Variants in COQ7 observed in about 807,000 individuals in gnomAD.
COQ7 encodes coenzyme Q7, hydroxylase, also known as NADPH-dependent 3-demethoxyubiquinone 3-hydroxylase, mitochondrial.
A neutral mutation model predicts 25.0 loss-of-function variants in COQ7; 21 were observed. The observed-to-expected ratio is 0.84, with a 90% confidence interval of 0.60 to 1.21. The LOEUF (loss-of-function observed/expected upper bound fraction) is 1.21. Among genes scored for constraint, COQ7 ranks in the 50% most tolerant of loss-of-function variants. COQ7 has a pLI of 0.00. For synonymous variants in COQ7, 125 were observed against 112.4 expected (o/e 1.11, Z -0.71); for missense variants, 311 against 296.2 (o/e 1.05, Z -0.37).
rs1555521495 is a variant in COQ7 at position 19,067,647 on chromosome 16, C to CG, written c.-18_-17insG. On this transcript the variant is annotated 5_prime_UTR_variant, in exon 1 of 6. Transcript: ENST00000321998. ...CCAGTTCCGTTCAACGAAGTGGTTGCTTTTTTTAGTTCCGGCAATGAGTTG... is the reference window on the plus strand; with the variant it reads ...CCAGTTCCGTTCAACGAAGTGGTTGCGTTTTTTTAGTTCCGGCAATGAGTTG... The CG allele has an allele frequency of 1.2e-6, 2 of 1,613,570 alleles. No individual in the cohort carries two copies. Among genetic ancestry groups the CG allele is most frequent in the East Asian group, 4.5e-5 (2 of 44,846 alleles).
Position 19,077,352 on chromosome 16 carries a change from G to T in COQ7, c.554G>T (p.Gly185Val). ...GAAGAGCTTGAGCACCATGACATAG[G>T]CCTCGACCATGATGCAGAATTGGTA... ...RDEELEHHDI[G>V]LDHDAELAPA... Residue 185 changes from glycine (G) to valine (V), a missense_variant, in exon 5 of 6, where the codon GGC becomes GTC. Physicochemically the swap from Gly to Val is moderately radical, Grantham distance 109. Coordinates refer to ENST00000321998, the MANE Select transcript of COQ7 (RefSeq NM_016138.5). The T allele has an allele frequency of 5.6e-6, 9 of 1,614,068 alleles. No individual in the cohort carries two copies. Among genetic ancestry groups the T allele is most frequent in the Non-Finnish European group, 7.6e-6 (9 of 1,180,024 alleles).
chr16:19,070,494 A>C (rs1167691972), intron 1 of COQ7, among the ~76,000 whole-genome samples: 3 of 152,174 alleles, frequency 2.0e-5, no homozygotes, highest in Admixed American at 6.5e-5. Context: ...GCACTTTGGG[A>C]AGCCAAGGTG....
chr16:19,076,814 ACTCCTGAC>A (rs2142392771), intron 4 of COQ7, among the ~76,000 whole-genome samples: 1 of 146,252 alleles, frequency 6.8e-6, no homozygotes, highest in South Asian at 2.2e-4. Context: ...CTGGTCTGGA[ACTCCTGAC>A]CTCAGGTGAT....
rs201800620 is a variant in COQ7, at chr16:19,075,740, C to G, written c.387C>G (p.Leu129=). Residue 129 remains leucine, a synonymous_variant, in exon 4 of 6, where the codon CTC becomes CTG. Coordinates refer to ENST00000321998, the MANE Select transcript of COQ7 (RefSeq NM_016138.5). ...GFALGAGTAL[L]GKEGAMACTV... The stretch of plus-strand genomic sequence containing the variant: ...TCCCAGGGGCGGGGACCGCCTTGCT[C>G]GGGAAGGAAGGTGCCATGGCCTGCA... 6.3e-7 allele frequency: 1 copy of G among 1,588,452 alleles called. No individual in the cohort carries two copies. Among genetic ancestry groups the G allele is most frequent in the Non-Finnish European group, 8.6e-7 (1 of 1,168,628 alleles).
chr16:19,067,820 A>G (rs1962306125), intron 1 of COQ7, 83 bp downstream of exon 1: 1 of 1,544,154 alleles, frequency 6.5e-7, no homozygotes, highest in African/African-American at 1.5e-5. Context: ...CGAAGAGGTC[A>G]CGGGGGAGAG....
intron 5 of COQ7, 103 bp downstream of exon 5, chr16:19,077,477 C>T (rs374393893): frequency 2.3e-5 from 21 of 918,504 alleles, no homozygotes; most frequent in Admixed American, 1.5e-4. Context: ...AAAGTGACAG[C>T]GAAAGGGAGA....
rs1054842217 is a variant in COQ7 at position 19,077,444 on chromosome 16, C to T, written c.576+70C>T. On this transcript the variant is annotated intron_variant, in intron 5 of 5. Transcript: ENST00000321998. Reference sequence around the variant, plus strand: ...GGGAGGCTGAAGGGGCAGGAGGTTTCTGTTGCCAGAAAAATACATTTTAAA... The same window carrying T: ...GGGAGGCTGAAGGGGCAGGAGGTTTTTGTTGCCAGAAAAATACATTTTAAA... The T allele has an allele frequency of 4.2e-5, 55 of 1,299,186 alleles. No individual in the cohort carries two copies. In the East Asian group the frequency reaches 1.3e-3, roughly 30 times the overall value. 80.5% of individuals were successfully genotyped at this position (1,299,186 alleles called of 1,614,324 possible).
At chr16:19,081,822 A>C (rs1963104340), downstream of COQ7, among the ~76,000 whole-genome samples, 1 of 152,234 alleles carries the variant, frequency 6.6e-6, no homozygotes, top group Non-Finnish European at 1.5e-5. Flanking sequence ...GTTGTTTTTA[A>C]GTTTTTGTCT....
chr16:19,074,163 G>A (rs748629112), intron 3 of COQ7, 128 bp downstream of exon 3: 9 of 612,520 alleles, frequency 1.5e-5, no homozygotes, highest in Middle Eastern at 3.0e-4. Flanking sequence ...ATATTTTTCC[G>A]AGGTTAAATT....
chr16:19,076,636 C>T (rs1962859267), intron 4 of COQ7, among the ~76,000 whole-genome samples: 1 of 144,682 alleles, frequency 6.9e-6, no homozygotes, highest in African/African-American at 2.6e-5. Flanking sequence ...ACTCTGTCCC[C>T]AAGGCTGGAG....
chr16:19,072,471 G>A (rs1026244075), intron 2 of COQ7: 1 of 193,292 alleles, frequency 5.2e-6, no homozygotes, highest in Non-Finnish European at 1.1e-5. Flanking sequence ...AAGAGGCTAT[G>A]GGAGGACCTG....
At position 19,078,885 on chromosome 16, in the gene COQ7, T is replaced by C. The variant is rs981294972; in HGVS notation, c.*727T>C. 6.6e-6 allele frequency: 1 copy of C among 152,166 alleles called. No homozygotes were observed. The highest frequency in any genetic ancestry group is 2.4e-5 in the African/African-American group (1 of 41,432). The allele number at this position is 152,166 out of a possible 1,614,324, so 9.4% of individuals were successfully genotyped here. ...GTATTTGAGATTGGCCAAGCAGAAC[T>C]ATGAAGTCCATCAAGTAAGTCAAAG... On this transcript the variant is annotated 3_prime_UTR_variant, in exon 6 of 6. Transcript: ENST00000321998.
downstream of COQ7, among the ~76,000 whole-genome samples, chr16:19,081,156 A>G (rs1224226181): frequency 6.6e-6 from 1 of 152,230 alleles, no homozygotes. Context: ...GCTTTTAACA[A>G]TTGAGTAAGG....
At chr16:19,075,499 G>A (rs1343796185) in intron 3 of COQ7, among the ~76,000 whole-genome samples, 1 of 152,032 alleles carries the variant, frequency 6.6e-6, no homozygotes, top group Admixed American at 6.6e-5. Flanking sequence ...CCCAGCCCTC[G>A]GGACAGTTTT....
intron 5 of COQ7, 107 bp downstream of exon 5, chr16:19,077,481 A>G (rs1962909557): frequency 1.1e-6 from 1 of 890,032 alleles, no homozygotes; most frequent in Admixed American, 2.5e-5. Context: ...TGACAGCGAA[A>G]GGGAGAGAAA....
rs141575196 is a variant in COQ7, at chr16:19,072,593, A to AAATGGCCTCAT, written c.252+496_252+506dup. 3.4e-3 allele frequency among the ~76,000 whole-genome samples: 525 copies of AAATGGCCTCAT among 152,276 alleles called. 3 individuals carry two copies. Among genetic ancestry groups the AAATGGCCTCAT allele is most frequent in the African/African-American group, 0.012 (500 of 41,550 alleles). ...CTGGGTTTCCATTTCCGTATCTGCA[A>AAATGGCCTCAT]AATGGCCTCATAATGGCCTGGGTTT... On this transcript the variant is annotated intron_variant, in intron 2 of 5. Coordinates refer to ENST00000321998, the MANE Select transcript of COQ7 (RefSeq NM_016138.5).
intron 3 of COQ7, among the ~76,000 whole-genome samples, chr16:19,074,321 C>T (rs766760844): frequency 2.0e-4 from 31 of 151,816 alleles, no homozygotes; most frequent in Non-Finnish European, 3.2e-4. Flanking sequence ...GTCAGGAGTT[C>T]GAGACCAGCC....
chr16:19,078,205 A>T lies in COQ7; in HGVS notation c.*47A>T. On this transcript the variant is annotated 3_prime_UTR_variant, in exon 6 of 6. Transcript: ENST00000321998. ...CTATAAAAGATGATAGTAATTTACC[A>T]AGTGACATTTGCAGAGAAACAGGTG... is the stretch of plus-strand genomic sequence containing the variant. 1 of 1,462,084 alleles carries T rather than the reference A, an allele frequency of 6.8e-7. No individual in the cohort carries two copies. The highest frequency in any genetic ancestry group is 9.5e-7 in the Non-Finnish European group (1 of 1,054,444). 90.6% of individuals were successfully genotyped at this position (1,462,084 alleles called of 1,614,324 possible).
Position 19,071,925 on chromosome 16 carries a change from C to A in COQ7, c.74-3C>A. On this transcript the variant is annotated splice_region_variant and splice_polypyrimidine_tract_variant and intron_variant, in intron 1 of 5. Transcript: ENST00000321998. Reference sequence around the variant, plus strand: ...TAACGAAGAATAAACACTTGCATTTCAGCTTATGGAAGAAGAACCAGTGTC... The same window carrying A: ...TAACGAAGAATAAACACTTGCATTTAAGCTTATGGAAGAAGAACCAGTGTC... 1 of 1,614,114 alleles carries A rather than the reference C, an allele frequency of 6.2e-7. No individual in the cohort carries two copies. Among genetic ancestry groups the A allele is most frequent in the Admixed American group, 1.7e-5 (1 of 60,016 alleles).
Sources: gnomAD v4.1 joint callset for allele counts (sites outside exome capture counted in the v4.1 genomes callset) on GRCh38, gnomAD v4.1.1 for gene constraint, MANE v1.5 for transcripts, NCBI Gene and HGNC (gene_info 2026-07-23, HGNC 2026-07-21) for gene names.